Variants in NXPH1 observed in about 807,000 individuals in gnomAD.
The protein encoded by NXPH1 is neurexophilin-1.
NXPH1 carries 5 observed loss-of-function variants against 23.7 expected under a neutral mutation model. That is an observed-to-expected ratio of 0.21 (90% CI 0.11 to 0.44). The LOEUF is 0.44. Ranked by LOEUF, NXPH1 falls within the 20% of genes least tolerant of loss-of-function variation. The pLI, the probability that NXPH1 is intolerant of heterozygous loss-of-function variation, is 0.99. For synonymous variants in NXPH1, 144 were observed against 122.2 expected, an observed-to-expected ratio of 1.18 and a Z score of -1.18; for missense variants, 324 against 321.6, an observed-to-expected ratio of 1.01 and a Z score of -0.06.
rs374281447 is a variant in NXPH1, at chr7:8,710,765, C to G, written c.55-40243C>G. 2.4e-4 allele frequency among the ~76,000 whole-genome samples: 33 copies of G among 135,634 alleles called. 4 individuals carry two copies. In the East Asian group the frequency reaches 3.4e-3, roughly 14 times the overall value. The allele number at this position is 135,634 out of a possible 152,430, so 89.0% of individuals were successfully genotyped here. A position where few individuals can be genotyped will look rare whatever the true frequency, so the allele number is the denominator to read the frequency against. ...GCAAGCTCCGCTTCCCGGGTTCACG[C>G]CATTCTCCTGCCTCAGCCTCCCCAG... On this transcript the variant is annotated intron_variant, in intron 2 of 2. Coordinates refer to ENST00000405863, the MANE Select transcript of NXPH1 (RefSeq NM_152745.3).
chr7:8,648,713 C>G (rs539884195), intron 2 of NXPH1, among the ~76,000 whole-genome samples: 4 of 152,276 alleles, frequency 2.6e-5, no homozygotes, highest in Admixed American at 2.6e-4. Context: ...GAGCAGATCT[C>G]TGTATTTGTA....
At chr7:8,743,850 A>T (rs1780422165) in intron 2 of NXPH1, among the ~76,000 whole-genome samples, 1 of 151,616 alleles carries the variant, frequency 6.6e-6, no homozygotes, top group African/African-American at 2.4e-5. Context: ...TGCCCGGCCA[A>T]TTTTTTTGTA....
rs547119259 is a variant in NXPH1, at chr7:8,480,026, G to C, written c.54+44259G>C. Among the ~76,000 whole-genome samples, 5 of 152,154 alleles carry C rather than the reference G, an allele frequency of 3.3e-5. No individual in the cohort carries two copies. In the East Asian group the frequency reaches 7.7e-4, roughly 24 times the overall value. On this transcript the variant is annotated intron_variant, in intron 2 of 2. Coordinates refer to ENST00000405863, the MANE Select transcript of NXPH1 (RefSeq NM_152745.3). ...TAGAGATGTCTAGAAATGTATACAA[G>C]TGATAAAACTATAAAAAGTGATTGC...
intron 2 of NXPH1, among the ~76,000 whole-genome samples, chr7:8,445,675 A>G (rs1309755613): frequency 6.6e-6 from 1 of 152,254 alleles, no homozygotes; most frequent in East Asian, 1.9e-4. Context: ...CAGATTACAC[A>G]TACACATATA....
At chr7:8,733,832 G>C (rs1399405860) in intron 2 of NXPH1, among the ~76,000 whole-genome samples, 1 of 152,132 alleles carries the variant, frequency 6.6e-6, no homozygotes, top group African/African-American at 2.4e-5. Context: ...TAGGTTGTCT[G>C]TTCACTCTGA....
chr7:8,730,567 C>G (rs1444463881), intron 2 of NXPH1, among the ~76,000 whole-genome samples: 1 of 151,992 alleles, frequency 6.6e-6, no homozygotes, highest in Non-Finnish European at 1.5e-5. Context: ...ATTTGCTTGT[C>G]TGTAAAGTAC....
chr7:8,502,198 ATTG>A (rs1453602245), intron 2 of NXPH1, among the ~76,000 whole-genome samples: 1 of 151,994 alleles, frequency 6.6e-6, no homozygotes, highest in African/African-American at 2.4e-5. Flanking sequence ...ATTTTTCAGA[ATTG>A]TTGTGAGTAT....
intron 2 of NXPH1, among the ~76,000 whole-genome samples, chr7:8,543,901 T>G (rs1262898077): frequency 6.6e-6 from 1 of 151,636 alleles, no homozygotes; most frequent in African/African-American, 2.4e-5. Flanking sequence ...AATAATGGAA[T>G]TTTAGAGCTG....
At chr7:8,507,740 C>A (rs937094243) in intron 2 of NXPH1, among the ~76,000 whole-genome samples, 2 of 152,082 alleles carry the variant, frequency 1.3e-5, no homozygotes, top group African/African-American at 4.8e-5. Context: ...GTTTACCAAC[C>A]CACAAACATT....
intron 2 of NXPH1, among the ~76,000 whole-genome samples, chr7:8,596,023 GA>G (rs1343976339): frequency 6.6e-6 from 1 of 151,994 alleles, no homozygotes; most frequent in East Asian, 1.9e-4. Flanking sequence ...ATGCAAGTTT[GA>G]TATGTCTATG....
At chr7:8,533,003 C>A (rs184451597) in intron 2 of NXPH1, among the ~76,000 whole-genome samples, 23 of 152,206 alleles carry the variant, frequency 1.5e-4, no homozygotes, top group Non-Finnish European at 2.9e-5. Flanking sequence ...CTGAGGGGCA[C>A]TGTTCTGAGT....
intron 2 of NXPH1, among the ~76,000 whole-genome samples, chr7:8,604,590 A>G (rs977700676): frequency 6.6e-6 from 1 of 152,120 alleles, no homozygotes; most frequent in Admixed American, 6.6e-5. Context: ...TTTTCAGTCA[A>G]ACTTTGAGCT....
At chr7:8,728,690 C>G (rs2115213940) in intron 2 of NXPH1, among the ~76,000 whole-genome samples, 1 of 151,854 alleles carries the variant, frequency 6.6e-6, no homozygotes, top group African/African-American at 2.4e-5. Flanking sequence ...GGATGAAGCC[C>G]ACTTGATCAT....
chr7:8,506,306 G>T (rs1030703728), intron 2 of NXPH1, among the ~76,000 whole-genome samples: 1 of 152,060 alleles, frequency 6.6e-6, no homozygotes. Flanking sequence ...TTGAGTTTTG[G>T]CTACATCATC....
intron 2 of NXPH1, among the ~76,000 whole-genome samples, chr7:8,517,508 G>T (rs1366867457): frequency 6.6e-6 from 1 of 152,134 alleles, no homozygotes; most frequent in Non-Finnish European, 1.5e-5. Context: ...AGTAAGAAGT[G>T]GAGTCTGGAG....
chr7:8,601,883 T>G (rs922198450), intron 2 of NXPH1, among the ~76,000 whole-genome samples: 15 of 152,236 alleles, frequency 9.9e-5, no homozygotes, highest in African/African-American at 3.6e-4. Flanking sequence ...TGGAAATATT[T>G]GGCTTTAAAT....
chr7:8,688,813 G>A (rs1279617580), intron 2 of NXPH1, among the ~76,000 whole-genome samples: 1 of 152,128 alleles, frequency 6.6e-6, no homozygotes, highest in Non-Finnish European at 1.5e-5. Context: ...TTAATAATTA[G>A]GATTTCAATT....
rs554516047 is a variant in NXPH1, at chr7:8,506,830, T to C, written c.54+71063T>C. Among the ~76,000 whole-genome samples the C allele has an allele frequency of 1.2e-4, 18 of 152,066 alleles. No individual in the cohort carries two copies. The South Asian group carries it at 3.7e-3, about 32-fold the overall frequency. ...ACAAGTATCTGAACAAATGCTAGGG[T>C]AGCTGCAACATGAGGCTCAATGAAG... On this transcript the variant is annotated intron_variant, in intron 2 of 2. Transcript: ENST00000405863.
At chr7:8,528,113 T>A (rs1817893564) in intron 2 of NXPH1, among the ~76,000 whole-genome samples, 1 of 152,162 alleles carries the variant, frequency 6.6e-6, no homozygotes, top group Non-Finnish European at 1.5e-5. Context: ...GCTGTGGAAG[T>A]GGGGAGAGAG....
Sources: gnomAD v4.1 joint callset for allele counts (sites outside exome capture counted in the v4.1 genomes callset) on GRCh38, gnomAD v4.1.1 for gene constraint, MANE v1.5 for transcripts, NCBI Gene and HGNC (gene_info 2026-07-23, HGNC 2026-07-21) for gene names.